ROBO1: variants seen among roughly 807,000 people sequenced by gnomAD.
ROBO1 encodes roundabout guidance receptor 1, also known as roundabout homolog 1.
In ROBO1, 149 loss-of-function variants were observed where a neutral mutation model predicts 195.9. The observed-to-expected ratio is 0.76, with a 90% confidence interval of 0.67 to 0.87. The LOEUF (loss-of-function observed/expected upper bound fraction) is 0.87. Ranked by LOEUF, ROBO1 falls within the 40% of genes least tolerant of loss-of-function variation. ROBO1 has a pLI of 0.00. For synonymous variants in ROBO1, 816 were observed against 733.2 expected, an observed-to-expected ratio of 1.11 and a Z score of -1.82; for missense variants, 1,933 against 2,068.3, an observed-to-expected ratio of 0.93 and a Z score of 1.27.
At chr3:79,303,597 C>T (rs534943908) in intron 2 of ROBO1, among the ~76,000 whole-genome samples, 1 of 152,170 alleles carries the variant, frequency 6.6e-6, no homozygotes, top group South Asian at 2.1e-4. Context: ...TGCTGTCTAA[C>T]TGAAGTTTTG....
chr3:79,275,750 A>C (rs1438941142), intron 2 of ROBO1, among the ~76,000 whole-genome samples: 3 of 152,118 alleles, frequency 2.0e-5, no homozygotes, highest in Non-Finnish European at 2.9e-5. Context: ...TTCACCAAAA[A>C]ACTATTGGAA....
intron 2 of ROBO1, among the ~76,000 whole-genome samples, chr3:79,456,870 A>T (rs2039634403): frequency 6.6e-6 from 1 of 152,162 alleles, no homozygotes; most frequent in Admixed American, 6.5e-5. Context: ...CCCTAAATAC[A>T]GACATTTCTC....
intron 11 of ROBO1, among the ~76,000 whole-genome samples, chr3:78,669,709 T>C (rs1362035786): frequency 6.6e-6 from 1 of 152,194 alleles, no homozygotes; most frequent in Non-Finnish European, 1.5e-5. Flanking sequence ...ACACTTACAA[T>C]AGAAGAACTA....
chr3:79,555,327 T>C (rs910418302), intron 2 of ROBO1, among the ~76,000 whole-genome samples: 17 of 152,090 alleles, frequency 1.1e-4, no homozygotes, highest in African/African-American at 3.6e-4. Context: ...CAAAGCTCTT[T>C]GAACCAGGAA....
intron 2 of ROBO1, among the ~76,000 whole-genome samples, chr3:79,295,619 T>C: frequency 6.6e-6 from 1 of 151,950 alleles, no homozygotes; most frequent in South Asian, 2.1e-4. Flanking sequence ...GAAACGTGAT[T>C]GTCTCACAAA....
intron 3 of ROBO1, among the ~76,000 whole-genome samples, chr3:78,994,575 C>T (rs982791249): frequency 6.6e-6 from 1 of 152,064 alleles, no homozygotes; most frequent in Non-Finnish European, 1.5e-5. Context: ...TTGGAAATAC[C>T]GAGTAAATGG....
chr3:79,238,241 G>T (rs1158019675), intron 2 of ROBO1, among the ~76,000 whole-genome samples: 3 of 152,110 alleles, frequency 2.0e-5, no homozygotes, highest in Admixed American at 6.5e-5. Context: ...TGAGTATAAT[G>T]CAATTTAATC....
At chr3:78,620,017 C>CA (rs11314248) in intron 26 of ROBO1, among the ~76,000 whole-genome samples, 3,154 of 107,662 alleles carry the variant, frequency 0.029, 87 homozygotes, top group South Asian at 0.075. Flanking sequence ...GACTCTGTCT[C>CA]AAAAAAAAAA....
intron 2 of ROBO1, among the ~76,000 whole-genome samples, chr3:79,485,784 T>C (rs1373822980): frequency 1.3e-5 from 2 of 152,036 alleles, no homozygotes; most frequent in Admixed American, 6.6e-5. Flanking sequence ...GTCCCCAATT[T>C]AGTGCGTAGT....
chr3:79,468,929 T>C (rs1315267527), intron 2 of ROBO1, among the ~76,000 whole-genome samples: 5 of 152,154 alleles, frequency 3.3e-5, no homozygotes. Flanking sequence ...ACCTTGACCT[T>C]TTCCTTTGTA....
intron 2 of ROBO1, among the ~76,000 whole-genome samples, chr3:79,351,342 T>C (rs916338602): frequency 6.6e-6 from 1 of 152,156 alleles, no homozygotes; most frequent in Admixed American, 6.5e-5. Flanking sequence ...ATGCTGAAAT[T>C]TATTTTAAAA....
chr3:78,778,583 AAGG>A (rs1463611821), intron 4 of ROBO1, among the ~76,000 whole-genome samples: 4 of 152,184 alleles, frequency 2.6e-5, no homozygotes, highest in Admixed American at 1.3e-4. Flanking sequence ...GGACCTCTTC[AAGG>A]AGAACTACAA....
At position 78,616,590 on chromosome 3, in the gene ROBO1, A is replaced by G. The variant is rs1704126451; in HGVS notation, c.4282+1045T>C. Reference sequence around the variant, plus strand: ...GGCCAATCCAATATGTGAAAAGACCATGGAAGACTACCAATGTGGTAGTTA... The same window carrying G: ...GGCCAATCCAATATGTGAAAAGACCGTGGAAGACTACCAATGTGGTAGTTA... On this transcript the variant is annotated intron_variant, in intron 27 of 30. Coordinates refer to ENST00000464233, the MANE Select transcript of ROBO1 (RefSeq NM_002941.4). Among the ~76,000 whole-genome samples, 7 of 152,256 alleles carry G rather than the reference A, an allele frequency of 4.6e-5. No homozygotes were observed. The South Asian group carries it at 1.4e-3, about 32-fold the overall frequency.
At chr3:79,493,045 A>T (rs1939549858) in intron 2 of ROBO1, among the ~76,000 whole-genome samples, 1 of 152,100 alleles carries the variant, frequency 6.6e-6, no homozygotes, top group African/African-American at 2.4e-5. Context: ...ATAAGAAGCA[A>T]AAATACAAAA....
chr3:78,658,726 T>G (rs1247727059), intron 17 of ROBO1, among the ~76,000 whole-genome samples: 2 of 152,242 alleles, frequency 1.3e-5, no homozygotes, highest in African/African-American at 4.8e-5. Flanking sequence ...TATATTTTCT[T>G]TGAAAGTTAA....
At chr3:79,690,411 A>G (rs1245983112) in intron 1 of ROBO1, among the ~76,000 whole-genome samples, 8 of 151,920 alleles carry the variant, frequency 5.3e-5, no homozygotes, top group Non-Finnish European at 1.0e-4. Flanking sequence ...AGGTCTTTGA[A>G]CATAGAGGAA....
At chr3:78,766,501 T>C (rs937424784) in intron 4 of ROBO1, among the ~76,000 whole-genome samples, 1 of 152,162 alleles carries the variant, frequency 6.6e-6, no homozygotes, top group Admixed American at 6.5e-5. Flanking sequence ...TTTTATCAGT[T>C]CTAGGAGCTT....
chr3:79,598,957 G>A (rs1026777643), intron 1 of ROBO1, among the ~76,000 whole-genome samples: 1 of 152,030 alleles, frequency 6.6e-6, no homozygotes, highest in African/African-American at 2.4e-5. Flanking sequence ...CAGCATTCGA[G>A]AAAGCCAGGA....
Position 79,196,399 on chromosome 3 carries a change from GAGAA to G in ROBO1, c.89-70864_89-70861del, listed in dbSNP as rs780307880. ...GCACCAAGAGAGAGAGGGAGGGAGA[GAGAA>G]AGAAAGAAAGAAAGAGAGAGAAAAT... On this transcript the variant is annotated intron_variant, in intron 2 of 30. Coordinates refer to ENST00000464233, the MANE Select transcript of ROBO1 (RefSeq NM_002941.4). Among the ~76,000 whole-genome samples, 91 of 150,152 alleles carry G rather than the reference GAGAA, an allele frequency of 6.1e-4. 1 individual carries two copies. Among genetic ancestry groups the G allele is most frequent in the Non-Finnish European group, 4.3e-4 (29 of 67,326 alleles).
Sources: allele counts gnomAD v4.1 joint callset (sites outside exome capture counted in the v4.1 genomes callset), GRCh38; gene constraint gnomAD v4.1.1; transcripts MANE v1.5; gene names NCBI Gene and HGNC (gene_info 2026-07-23, HGNC 2026-07-21).